GLCE: variants seen among roughly 807,000 people sequenced by gnomAD.
GLCE encodes glucuronic acid epimerase.
In GLCE, 19 loss-of-function variants were observed where a neutral mutation model predicts 47.9. The observed-to-expected ratio is 0.40, with a 90% confidence interval of 0.28 to 0.58. The LOEUF (loss-of-function observed/expected upper bound fraction) is 0.58, where lower values mean the gene tolerates loss of function less well. Among genes scored for constraint, GLCE ranks in the 20% least tolerant of loss-of-function variants. GLCE has a pLI of 0.48. For missense variants in GLCE, 556 were observed against 743.3 expected (o/e 0.75, Z 2.93); for synonymous variants, 245 against 263.4 (o/e 0.93, Z 0.68).
intron 2 of GLCE, among the ~76,000 whole-genome samples, chr15:69,239,395 A>C (rs946591273): frequency 2.6e-5 from 4 of 152,188 alleles, no homozygotes; most frequent in Non-Finnish European, 5.9e-5. Flanking sequence ...ATAGCTGCAT[A>C]TATGCTCCAG....
chr15:69,238,231 G>A (rs1203581761), intron 2 of GLCE, among the ~76,000 whole-genome samples: 1 of 152,090 alleles, frequency 6.6e-6, no homozygotes, highest in Non-Finnish European at 1.5e-5. Context: ...GCACAACCAA[G>A]GGTAAATCTT....
At position 69,261,299 on chromosome 15, in the gene GLCE, T is replaced by C; in HGVS notation, c.799T>C (p.Phe267Leu). The C allele has an allele frequency of 6.2e-7, 1 of 1,614,034 alleles. No individual in the cohort carries two copies. The highest frequency in any genetic ancestry group is 8.5e-7 in the Non-Finnish European group (1 of 1,179,970). ...FMANVADKSR[F>L]TNVKQFIAPE... Reference sequence around the variant, plus strand: ...GGCGAATGTGGCTGATAAGTCTAGATTCACCAATGTCAAACAGTTTATTGC... The same window carrying C: ...GGCGAATGTGGCTGATAAGTCTAGACTCACCAATGTCAAACAGTTTATTGC... The change falls in exon 4 of 5, where the codon TTC becomes CTC. Residue 267 changes from phenylalanine (F) to leucine (L), a missense_variant. Physicochemically the swap from Phe to Leu is conservative, Grantham distance 22. Transcript: ENST00000261858.
At chr15:69,195,606 G>A (rs552966662) in intron 1 of GLCE, among the ~76,000 whole-genome samples, 25 of 152,148 alleles carry the variant, frequency 1.6e-4, no homozygotes, top group African/African-American at 5.5e-4. Context: ...CAGTCGTGTT[G>A]CTCCTTGTTG....
At chr15:69,188,598 G>GAA (rs1205837355) in intron 1 of GLCE, among the ~76,000 whole-genome samples, 2 of 152,110 alleles carry the variant, frequency 1.3e-5, no homozygotes, top group African/African-American at 4.8e-5. Context: ...TATATGTAAG[G>GAA]TTATTCAGGT....
At chr15:69,200,802 C>G (rs770098523) in intron 1 of GLCE, among the ~76,000 whole-genome samples, 11 of 152,108 alleles carry the variant, frequency 7.2e-5, no homozygotes, top group Admixed American at 2.0e-4. Context: ...TCTTACAGTT[C>G]TGTGAGTCAG....
chr15:69,249,600 A>G (rs1170386554), intron 2 of GLCE, among the ~76,000 whole-genome samples: 2 of 152,238 alleles, frequency 1.3e-5, no homozygotes, highest in Non-Finnish European at 2.9e-5. Context: ...TAAGAGAAAT[A>G]ATAAGCAGGG....
intron 2 of GLCE, among the ~76,000 whole-genome samples, chr15:69,227,775 G>T (rs2052470079): frequency 1.3e-5 from 2 of 152,132 alleles, no homozygotes; most frequent in African/African-American, 4.8e-5. Context: ...GCACATTAAG[G>T]AATATAGGTT....
At chr15:69,255,145 G>T (rs2140438172) in intron 2 of GLCE, among the ~76,000 whole-genome samples, 1 of 152,272 alleles carries the variant, frequency 6.6e-6, no homozygotes, top group South Asian at 2.1e-4. Flanking sequence ...CATGGATGTT[G>T]GTGTTTACCT....
At chr15:69,201,869 G>C (rs1410415032) in intron 1 of GLCE, among the ~76,000 whole-genome samples, 2 of 151,986 alleles carry the variant, frequency 1.3e-5, no homozygotes, top group East Asian at 3.9e-4. Context: ...AGACTCTAAA[G>C]TGCTAAAGGC....
Position 69,256,248 on chromosome 15 carries a change from G to A in GLCE, c.442G>A (p.Gly148Ser), listed in dbSNP as rs1225758703. Residue 148 changes from glycine (G) to serine (S), a missense_variant, in exon 3 of 5, where the codon GGC (glycine) becomes AGC (serine). By Grantham distance (56) the Gly-to-Ser change is moderately conservative. Around this residue, in one of 3 missense-constraint regions of GLCE, gnomAD observed 237 missense variants for 310.9 expected, o/e 0.76. Transcript: ENST00000261858. ...TTATGGAAAGGTGGTTCAGTATGAT[G>A]GCTATGATCGGTTTGAATTCTCTCA... is the stretch of plus-strand genomic sequence containing the variant. ...DVYGKVVQYD[G>S]YDRFEFSHSY... is the part of the protein sequence containing the mutation. 3 of 1,614,060 alleles carry A rather than the reference G, an allele frequency of 1.9e-6. No homozygotes were observed. Among genetic ancestry groups the A allele is most frequent in the Non-Finnish European group, 2.5e-6 (3 of 1,179,946 alleles).
At chr15:69,227,912 G>A (rs2052471878) in intron 2 of GLCE, among the ~76,000 whole-genome samples, 1 of 152,208 alleles carries the variant, frequency 6.6e-6, no homozygotes, top group South Asian at 2.1e-4. Flanking sequence ...GCTAGTAGAA[G>A]TAAATATAGG....
In GLCE at chr15:69,168,589, A is replaced by G. The variant is rs549041479; in HGVS notation, c.-105+7832A>G. ...GCTTCTGTTGCGTAGGCTGGAGTGC[A>G]ATGGCCTGATCTGGCTCACCGCAAC... On this transcript the variant is annotated intron_variant, in intron 1 of 4. Transcript: ENST00000261858. 4.0e-5 allele frequency among the ~76,000 whole-genome samples: 6 copies of G among 150,872 alleles called. No homozygotes were observed. In the South Asian group the frequency reaches 8.4e-4, roughly 21 times the overall value.
chr15:69,165,251 T>G (rs2051485013), intron 1 of GLCE, among the ~76,000 whole-genome samples: 1 of 152,154 alleles, frequency 6.6e-6, no homozygotes, highest in Non-Finnish European at 1.5e-5. Flanking sequence ...CCTTCTTTCT[T>G]AAAGCCCATA....
chr15:69,247,435 G>A (rs2052768397), intron 2 of GLCE, among the ~76,000 whole-genome samples: 1 of 152,152 alleles, frequency 6.6e-6, no homozygotes, highest in Admixed American at 6.5e-5. Flanking sequence ...TATTGTGGCT[G>A]GTTTGACCTT....
intron 1 of GLCE, among the ~76,000 whole-genome samples, chr15:69,196,215 A>G (rs912925974): frequency 6.6e-6 from 1 of 152,146 alleles, no homozygotes; most frequent in Non-Finnish European, 1.5e-5. Context: ...GGAGGAGGCT[A>G]GTGTGACTGA....
intron 2 of GLCE, among the ~76,000 whole-genome samples, chr15:69,244,598 G>A (rs552516849): frequency 1.3e-5 from 2 of 152,216 alleles, no homozygotes; most frequent in African/African-American, 4.8e-5. Flanking sequence ...ACATATCAGA[G>A]CACAGCCTTT....
chr15:69,258,321 G>T (rs1476146266), intron 3 of GLCE, among the ~76,000 whole-genome samples: 1 of 103,800 alleles, frequency 9.6e-6, no homozygotes, highest in Non-Finnish European at 2.5e-5. Flanking sequence ...TACAAAGCAC[G>T]TGATCTCTTT....
intron 1 of GLCE, among the ~76,000 whole-genome samples, chr15:69,172,584 T>G (rs962537439): frequency 2.4e-5 from 3 of 124,750 alleles, no homozygotes; most frequent in Non-Finnish European, 5.5e-5. Context: ...GTTATACATA[T>G]AGCATTTGAC....
rs57115250 is a variant in GLCE, at chr15:69,215,539, G to GGTGTGTGTGT, written c.-14+5148_-14+5157dup. Among the ~76,000 whole-genome samples the GGTGTGTGTGT allele has an allele frequency of 3.8e-3, 560 of 149,008 alleles. 3 individuals carry two copies. Among genetic ancestry groups the GGTGTGTGTGT allele is most frequent in the African/African-American group, 0.01 (423 of 40,500 alleles). On this transcript the variant is annotated intron_variant, in intron 2 of 4. Transcript: ENST00000261858. ...ATAAAGCTACTACATTTACATAAAG[G>GGTGTGTGTGT]GTGTGTGTGTGTGTGTGTGTGTGTC...
Sources: gnomAD v4.1 joint callset for allele counts (sites outside exome capture counted in the v4.1 genomes callset) on GRCh38, gnomAD v4.1.1 for gene constraint, gnomAD v4.1.1 regional missense constraint, MANE v1.5 for transcripts, NCBI Gene and HGNC (gene_info 2026-07-23, HGNC 2026-07-21) for gene names.